The following LRRC74B variants were observed in gnomAD, a reference collection of about 807,000 sequenced individuals.
LRRC74B encodes leucine-rich repeat-containing protein 74B.
A neutral mutation model predicts 16.6 loss-of-function variants in LRRC74B; 30 were observed. The ratio of observed to expected loss-of-function variants is 1.80; its 90% confidence interval spans 1.35 to 2.45. The LOEUF (loss-of-function observed/expected upper bound fraction) is 2.45, where lower values mean the gene tolerates loss of function less well. LRRC74B is among the 30% of genes most tolerant of loss of function. LRRC74B has a pLI of 0.00. For synonymous variants in LRRC74B, 134 were observed against 86.0 expected (o/e 1.56, Z -3.09); for missense variants, 326 against 202.4 (o/e 1.61, Z -3.71).
At chr22:21,058,625 G>A (rs191862389) in intron 8 of LRRC74B, among the ~76,000 whole-genome samples, 1 of 152,278 alleles carries the variant, frequency 6.6e-6, no homozygotes, top group Admixed American at 6.5e-5. Flanking sequence ...ATGTGTCTGT[G>A]TAGTTTCAAT....
intron 1 of LRRC74B, 134 bp from the exon 2 acceptor site, chr22:21,047,222 G>A: frequency 1.7e-6 from 1 of 604,480 alleles, no homozygotes; most frequent in South Asian, 2.1e-5. Flanking sequence ...TCATATGGGA[G>A]CAGTGGTCCC....
chr22:21,046,391 G>A (rs1569192506), intron 1 of LRRC74B, among the ~76,000 whole-genome samples: 1 of 139,268 alleles, frequency 7.2e-6, no homozygotes, highest in Admixed American at 7.1e-5. Flanking sequence ...GCTAATGGAT[G>A]TATGGAATTT....
At chr22:21,056,910 C>G (rs1930564789) in intron 7 of LRRC74B, 195 bp from the exon 8 acceptor site, 1 of 581,790 alleles carries the variant, frequency 1.7e-6, no homozygotes, top group East Asian at 2.9e-5. Flanking sequence ...GAGGCCTCTC[C>G]CTTCCTTTCT....
chr22:21,046,092 G>A (rs778011407), exon 1 of LRRC74B: 19 of 717,234 alleles, frequency 2.6e-5, no homozygotes, highest in Middle Eastern at 2.3e-4. Flanking sequence ...GCAGGGTCCC[G>A]AGGCCAATTG....
chr22:21,057,118 C>T (rs765071411), exon 8 of LRRC74B: 76 of 717,302 alleles, frequency 1.1e-4, no homozygotes, highest in East Asian at 2.7e-5. Flanking sequence ...TCCAGGAATC[C>T]CATGCGAAGT....
At position 21,051,843 on chromosome 22, in the gene LRRC74B, T is replaced by G. The variant is rs1003900170; in HGVS notation, c.623-406T>G. On this transcript the variant is annotated intron_variant, in intron 4 of 8. Transcript: ENST00000442047. Reference sequence around the variant, plus strand: ...TGCCTCTGCCATTTGCAGTTTCCTGTGTCTCCTCCCCACTGTGCATAAGCC... The same window carrying G: ...TGCCTCTGCCATTTGCAGTTTCCTGGGTCTCCTCCCCACTGTGCATAAGCC... Among the ~76,000 whole-genome samples, 14 of 152,294 alleles carry G rather than the reference T, an allele frequency of 9.2e-5. No individual in the cohort carries two copies. The East Asian group carries it at 2.5e-3, about 27-fold the overall frequency.
At chr22:21,052,529 A>G (rs1221546679) in intron 5 of LRRC74B, among the ~76,000 whole-genome samples, 171 bp downstream of exon 5, 1 of 152,228 alleles carries the variant, frequency 6.6e-6, no homozygotes, top group Non-Finnish European at 1.5e-5. Flanking sequence ...CTTAGTGACC[A>G]CAATACACTG....
At chr22:21,054,327 T>C (rs540218737) in intron 6 of LRRC74B, among the ~76,000 whole-genome samples, 3 of 152,336 alleles carry the variant, frequency 2.0e-5, no homozygotes, top group South Asian at 2.1e-4. Context: ...GGCAGGACCC[T>C]GACAAGTGGG....
chr22:21,053,497 C>A (rs1027137917), intron 6 of LRRC74B, 22 bp downstream of exon 6: 1 of 713,394 alleles, frequency 1.4e-6, no homozygotes, highest in Non-Finnish European at 2.6e-6. Context: ...CGGGGGGACA[C>A]CCCAGGAATC....
chr22:21,046,519 A>G (rs984847687), intron 1 of LRRC74B, among the ~76,000 whole-genome samples: 2 of 152,204 alleles, frequency 1.3e-5, no homozygotes, highest in Non-Finnish European at 2.9e-5. Flanking sequence ...TGACTCTGGC[A>G]GGATTAGCTA....
At chr22:21,057,048 T>G in intron 7 of LRRC74B, 57 bp from the exon 8 acceptor site, 1 of 711,160 alleles carries the variant, frequency 1.4e-6, no homozygotes, top group Non-Finnish European at 2.6e-6. Context: ...CCCTTTCACA[T>G]TGCTCTCTGG....
intron 8 of LRRC74B, among the ~76,000 whole-genome samples, chr22:21,058,175 C>T (rs1288155365): frequency 2.0e-5 from 3 of 151,572 alleles, no homozygotes; most frequent in African/African-American, 7.3e-5. Context: ...GCTGGGATTA[C>T]AGGCATGATC....
At chr22:21,055,855 A>T (rs538046129) in intron 7 of LRRC74B, among the ~76,000 whole-genome samples, 2 of 152,180 alleles carry the variant, frequency 1.3e-5, no homozygotes, top group Non-Finnish European at 2.9e-5. Context: ...CCTCGTAGAC[A>T]GTCCTCTAAA....
intron 3 of LRRC74B, 50 bp downstream of exon 3, chr22:21,048,066 A>T (rs1429632293): frequency 2.8e-6 from 2 of 714,402 alleles, no homozygotes; most frequent in South Asian, 3.0e-5. Context: ...CCTTTTCCTC[A>T]GGGATGTGCC....
At chr22:21,049,882 T>C (rs1000119798) in intron 4 of LRRC74B, among the ~76,000 whole-genome samples, 7 of 152,150 alleles carry the variant, frequency 4.6e-5, no homozygotes, top group Non-Finnish European at 8.8e-5. Context: ...GAATTTGCAC[T>C]TCTACCTGCC....
chr22:21,048,291 C>T (rs1202364158), intron 3 of LRRC74B: 2 of 442,982 alleles, frequency 4.5e-6, no homozygotes, highest in East Asian at 8.9e-5. Flanking sequence ...ACATGGGAGA[C>T]TCCCAGTACC....
At chr22:21,060,416 T>C in exon 9 of LRRC74B, 1 of 717,034 alleles carries the variant, frequency 1.4e-6, no homozygotes, top group South Asian at 1.5e-5. Context: ...GCTAGCTCAG[T>C]GAGGGGAATT....
chr22:21,046,889 C>G (rs1229185836), intron 1 of LRRC74B, among the ~76,000 whole-genome samples: 1 of 151,796 alleles, frequency 6.6e-6, no homozygotes, highest in African/African-American at 2.4e-5. Context: ...GTCAGGAGTT[C>G]GAGACCAGCC....
chr22:21,059,252 G>A (rs142482306), intron 8 of LRRC74B, among the ~76,000 whole-genome samples: 4,553 of 152,324 alleles, frequency 0.03, 217 homozygotes, highest in African/African-American at 0.1. Flanking sequence ...GCCGGGCATA[G>A]TGGTATGCAC....
Sources: allele counts gnomAD v4.1 joint callset (sites outside exome capture counted in the v4.1 genomes callset), GRCh38; gene constraint gnomAD v4.1.1; transcripts MANE v1.5; gene names NCBI Gene and HGNC (gene_info 2026-07-23, HGNC 2026-07-21).